Variants in TSPAN15 observed in about 807,000 individuals in gnomAD.
The protein encoded by TSPAN15 is tetraspanin 15, also known as tetraspanin-15.
In TSPAN15, 20 loss-of-function variants were observed where a neutral mutation model predicts 34.5. The ratio of observed to expected loss-of-function variants is 0.58; its 90% CI spans 0.41 to 0.84. TSPAN15 has a LOEUF of 0.84. Ranked by LOEUF, TSPAN15 falls within the 40% of genes least tolerant of loss-of-function variation. TSPAN15 has a pLI of 0.00. For missense variants in TSPAN15, 313 were observed against 386.1 expected, an observed-to-expected ratio of 0.81 and a Z score of 1.59; for synonymous variants, 155 against 153.9, an observed-to-expected ratio of 1.01 and a Z score of -0.05.
At chr10:69,491,147 C>A (rs1841960050) in intron 3 of TSPAN15, among the ~76,000 whole-genome samples, 1 of 152,220 alleles carries the variant, frequency 6.6e-6, no homozygotes, top group Non-Finnish European at 1.5e-5. Context: ...CTGGCAGATG[C>A]TCACTCCACA....
chr10:69,462,155 GTTT>G (rs755068937), intron 1 of TSPAN15, among the ~76,000 whole-genome samples: 145 of 82,692 alleles, frequency 1.8e-3, no homozygotes, highest in African/African-American at 5.9e-3. Context: ...TAATTTTAAA[GTTT>G]TTTTTTTTTT....
chr10:69,457,794 G>C (rs1321559481), intron 1 of TSPAN15, among the ~76,000 whole-genome samples: 2 of 152,216 alleles, frequency 1.3e-5, no homozygotes, highest in Non-Finnish European at 2.9e-5. Context: ...TACCTGAAGA[G>C]TTGCTAAGCA....
At chr10:69,481,556 C>T (rs975367662) in intron 1 of TSPAN15, among the ~76,000 whole-genome samples, 3 of 152,194 alleles carry the variant, frequency 2.0e-5, no homozygotes, top group African/African-American at 4.8e-5. Flanking sequence ...AAGGAGGTCA[C>T]GGGCATCTGC....
intron 6 of TSPAN15, among the ~76,000 whole-genome samples, chr10:69,504,840 C>G (rs1224613531): frequency 6.6e-6 from 1 of 152,174 alleles, no homozygotes; most frequent in Non-Finnish European, 1.5e-5. Context: ...CCCAGGAGTC[C>G]TAGAGGATGG....
At chr10:69,531,622 A>C in the TSPAN15 span, among the ~76,000 whole-genome samples, 1 of 152,184 alleles carries the variant, frequency 6.6e-6, no homozygotes, top group Non-Finnish European at 1.5e-5. Context: ...AAACAACCCC[A>C]AAGTATTGTA....
the TSPAN15 span, among the ~76,000 whole-genome samples, chr10:69,548,407 G>A: frequency 6.6e-6 from 1 of 152,362 alleles, no homozygotes; most frequent in Non-Finnish European, 1.5e-5. Flanking sequence ...TGTAAGGGAA[G>A]CCCTATAATT....
At chr10:69,452,209 G>A (rs1286148787) in intron 1 of TSPAN15, among the ~76,000 whole-genome samples, 1 of 152,148 alleles carries the variant, frequency 6.6e-6, no homozygotes, top group Non-Finnish European at 1.5e-5. Context: ...TGCGTGGCGA[G>A]GAGAAGTCCA....
intron 4 of TSPAN15, among the ~76,000 whole-genome samples, 180 bp downstream of exon 4, chr10:69,495,869 G>T (rs1842069557): frequency 6.6e-6 from 1 of 152,098 alleles, no homozygotes; most frequent in Non-Finnish European, 1.5e-5. Context: ...GGAAGCCAGG[G>T]CCCAACCTAT....
chr10:69,470,542 C>T (rs1841482685), intron 1 of TSPAN15, among the ~76,000 whole-genome samples: 1 of 152,194 alleles, frequency 6.6e-6, no homozygotes, highest in Non-Finnish European at 1.5e-5. Context: ...ACCACAGTAG[C>T]TCCCTGACCA....
chr10:69,514,855 C>T, the TSPAN15 span, among the ~76,000 whole-genome samples: 1 of 152,166 alleles, frequency 6.6e-6, no homozygotes. Flanking sequence ...GCAAGGCCCT[C>T]CTGATGATTT....
At chr10:69,492,619 G>A (rs550690141) in intron 3 of TSPAN15, among the ~76,000 whole-genome samples, 3 of 152,276 alleles carry the variant, frequency 2.0e-5, no homozygotes, top group East Asian at 3.9e-4. Flanking sequence ...CTCGAAGCCC[G>A]AGCCTTGGAA....
At chr10:69,474,776 C>T (rs545997514) in intron 1 of TSPAN15, among the ~76,000 whole-genome samples, 1 of 152,302 alleles carries the variant, frequency 6.6e-6, no homozygotes, top group Admixed American at 6.5e-5. Context: ...AGTCTCCTTT[C>T]CCCATTCCTA....
intron 1 of TSPAN15, among the ~76,000 whole-genome samples, chr10:69,480,684 C>T (rs1386714628): frequency 1.3e-5 from 2 of 151,778 alleles, no homozygotes; most frequent in African/African-American, 4.8e-5. Flanking sequence ...GGGACTTGGC[C>T]TTTTTTTTCT....
rs759255857 is a variant in TSPAN15, at chr10:69,498,425, G to A, written c.570+29G>A. The A allele has an allele frequency of 2.0e-5, 31 of 1,567,204 alleles. No homozygotes were observed. The South Asian group carries it at 3.2e-4, about 16-fold the overall frequency. On this transcript the variant is annotated intron_variant, in intron 5 of 7. Coordinates refer to ENST00000373290, the MANE Select transcript of TSPAN15 (RefSeq NM_012339.5). ...GACACTGCTCCTGTGGGGACTGGGG[G>A]GCTGTCGGGGACCCCAGGTGGTATA...
chr10:69,494,582 G>A, intron 3 of TSPAN15: 13 of 957,546 alleles, frequency 1.4e-5, no homozygotes, highest in Non-Finnish European at 1.6e-5. Context: ...CTCAGAGCTC[G>A]AAGTTACCTT....
chr10:69,539,510 A>C, the TSPAN15 span, among the ~76,000 whole-genome samples: 2 of 95,550 alleles, frequency 2.1e-5, 1 homozygote, highest in East Asian at 5.8e-4. Context: ...AAGAAGAAGA[A>C]GAAGAAGAAG....
chr10:69,498,252 GC>G, intron 4 of TSPAN15, 27 bp from the exon 5 acceptor site: 1 of 1,603,610 alleles, frequency 6.2e-7, no homozygotes, highest in Non-Finnish European at 8.5e-7. Context: ...GATGACGGCA[GC>G]TCCTCTTTCC....
At chr10:69,455,608 C>CTTTCTTTCTTTCTTTCTTTCGT (rs1428393903) in intron 1 of TSPAN15, among the ~76,000 whole-genome samples, 1 of 100,342 alleles carries the variant, frequency 1.0e-5, no homozygotes, top group Non-Finnish European at 2.1e-5. Context: ...TTCTTTCTTT[C>CTTTCTTTCTTTCTTTCTTTCGT]TCTCTCTCTC....
intron 2 of TSPAN15, 83 bp downstream of exon 2, chr10:69,483,959 T>C (rs2133112839): frequency 2.1e-6 from 3 of 1,461,792 alleles, no homozygotes; most frequent in South Asian, 1.3e-5. Flanking sequence ...CAGCTCAGTT[T>C]CTTTTGTCCC....
Sources: allele counts gnomAD v4.1 joint callset (sites outside exome capture counted in the v4.1 genomes callset), GRCh38; gene constraint gnomAD v4.1.1; transcripts MANE v1.5; gene names NCBI Gene and HGNC (gene_info 2026-07-23, HGNC 2026-07-21).